The following GMDS variants were observed in gnomAD, a reference collection of about 807,000 sequenced individuals.
The protein encoded by GMDS is GDP-mannose 4,6-dehydratase.
A neutral mutation model predicts 49.9 loss-of-function variants in GMDS; 20 were observed. That is an observed-to-expected ratio of 0.40 (90% CI 0.28 to 0.58). The LOEUF (loss-of-function observed/expected upper bound fraction) is 0.58, where lower values mean the gene tolerates loss of function less well. GMDS is among the 20% of genes least tolerant of loss of function. The probability of loss-of-function intolerance (pLI) is 0.42; values close to 1 mark genes in which losing one functional copy is unlikely to be tolerated. For missense variants in GMDS, 362 were observed against 481.4 expected (o/e 0.75, Z 2.32); for synonymous variants, 177 against 178.6 (o/e 0.99, Z 0.07).
intron 7 of GMDS, among the ~76,000 whole-genome samples, chr6:1,795,663 T>TC (rs1769709842): frequency 6.6e-6 from 1 of 152,150 alleles, no homozygotes; most frequent in Non-Finnish European, 1.5e-5. Context: ...AAAGATTAGT[T>TC]CAAAACAGAA....
chr6:1,687,243 C>T (rs1581459288), intron 9 of GMDS, among the ~76,000 whole-genome samples: 1 of 152,198 alleles, frequency 6.6e-6, no homozygotes, highest in South Asian at 2.1e-4. Flanking sequence ...ACAGCAACAC[C>T]CCCAAGGCTT....
chr6:2,110,612 T>G (rs1198114882), intron 4 of GMDS, among the ~76,000 whole-genome samples: 1 of 152,116 alleles, frequency 6.6e-6, no homozygotes, highest in Non-Finnish European at 1.5e-5. Context: ...CCCCTGGGGC[T>G]TCCACAGTCA....
intron 6 of GMDS, among the ~76,000 whole-genome samples, chr6:1,950,939 T>C (rs1186612400): frequency 3.3e-5 from 5 of 152,098 alleles, no homozygotes; most frequent in African/African-American, 4.8e-5. Flanking sequence ...CCGTGCACTG[T>C]AGGATGTTCA....
chr6:2,086,434 C>G (rs888660371), intron 4 of GMDS, among the ~76,000 whole-genome samples: 4 of 152,298 alleles, frequency 2.6e-5, no homozygotes, highest in African/African-American at 7.2e-5. Flanking sequence ...GAGAGCTACT[C>G]TGTTAAAATC....
chr6:1,786,911 A>G (rs1330948175), intron 7 of GMDS, among the ~76,000 whole-genome samples: 1 of 152,122 alleles, frequency 6.6e-6, no homozygotes, highest in Non-Finnish European at 1.5e-5. Flanking sequence ...GAGTGAGCTG[A>G]CTGCAGGATT....
intron 7 of GMDS, among the ~76,000 whole-genome samples, chr6:1,885,707 A>G (rs1759568017): frequency 6.6e-6 from 1 of 152,186 alleles, no homozygotes; most frequent in Admixed American, 6.5e-5. Context: ...TGATGTTACC[A>G]TCTACTTGCT....
At chr6:2,239,265 G>A (rs1188828339) in intron 1 of GMDS, among the ~76,000 whole-genome samples, 1 of 149,690 alleles carries the variant, frequency 6.7e-6, no homozygotes, top group Non-Finnish European at 1.5e-5. Flanking sequence ...GGACACGGAT[G>A]TTGCAGTGAG....
At chr6:1,673,947 C>T (rs1319821498) in intron 9 of GMDS, among the ~76,000 whole-genome samples, 1 of 151,524 alleles carries the variant, frequency 6.6e-6, no homozygotes, top group African/African-American at 2.4e-5. Context: ...GGATGTCTTG[C>T]TTGCTTCCAG....
intron 1 of GMDS, among the ~76,000 whole-genome samples, chr6:2,137,482 C>T (rs574018074): frequency 7.8e-4 from 119 of 152,140 alleles, no homozygotes; most frequent in African/African-American, 2.8e-3. Context: ...TACAGGCATG[C>T]GTCACCATAC....
intron 7 of GMDS, among the ~76,000 whole-genome samples, chr6:1,927,196 C>G (rs112129810): frequency 5.3e-4 from 25 of 46,800 alleles, no homozygotes; most frequent in African/African-American, 1.6e-3. Context: ...CAGAGGGTAG[C>G]GTGTTGATGT....
intron 9 of GMDS, among the ~76,000 whole-genome samples, chr6:1,630,784 A>G (rs1762976965): frequency 6.6e-6 from 1 of 152,190 alleles, no homozygotes; most frequent in South Asian, 2.1e-4. Context: ...CGGTGCTTAC[A>G]GTAGCATCAG....
chr6:1,939,445 T>C (rs1437071501), intron 6 of GMDS, among the ~76,000 whole-genome samples: 1 of 152,012 alleles, frequency 6.6e-6, no homozygotes, highest in Non-Finnish European at 1.5e-5. Context: ...CCTTGACTGC[T>C]ATCTACTGAT....
intron 1 of GMDS, among the ~76,000 whole-genome samples, chr6:2,223,595 G>C (rs1780693554): frequency 6.6e-6 from 1 of 152,160 alleles, no homozygotes; most frequent in South Asian, 2.1e-4. Context: ...TATGCTAGTG[G>C]GGTAAAATCA....
chr6:2,065,869 T>C (rs1369958733), intron 4 of GMDS, among the ~76,000 whole-genome samples: 44 of 152,186 alleles, frequency 2.9e-4, no homozygotes, highest in Admixed American at 2.9e-3. Flanking sequence ...CCAGAAGAAC[T>C]TCCCCAATCT....
At chr6:1,959,770 AT>A (rs1763837036) in intron 6 of GMDS, 96 bp downstream of exon 6, 2 of 525,258 alleles carry the variant, frequency 3.8e-6, no homozygotes, top group African/African-American at 3.9e-5. Context: ...CAGATAGGAA[AT>A]TTTTCAGTCT....
intron 7 of GMDS, among the ~76,000 whole-genome samples, chr6:1,824,008 T>G (rs1378921964): frequency 3.3e-5 from 5 of 152,090 alleles, no homozygotes; most frequent in Non-Finnish European, 5.9e-5. Context: ...ACGGGCCTCC[T>G]CCTAAGAACA....
chr6:1,945,767 A>G (rs1008469610), intron 6 of GMDS, among the ~76,000 whole-genome samples: 1 of 152,188 alleles, frequency 6.6e-6, no homozygotes, highest in Non-Finnish European at 1.5e-5. Flanking sequence ...ACCACCAACA[A>G]AAATCCCCAA....
intron 7 of GMDS, among the ~76,000 whole-genome samples, chr6:1,812,492 A>T (rs936708571): frequency 6.6e-6 from 1 of 152,018 alleles, no homozygotes; most frequent in Non-Finnish European, 1.5e-5. Flanking sequence ...TGAGGGGAAA[A>T]AAAGAAGAAA....
At chr6:2,085,540 T>A (rs1239781821) in intron 4 of GMDS, among the ~76,000 whole-genome samples, 1 of 151,580 alleles carries the variant, frequency 6.6e-6, no homozygotes, top group Admixed American at 6.6e-5. Context: ...AATCTAACTA[T>A]TTTTTTTTAA....
Sources: allele counts gnomAD v4.1 joint callset (sites outside exome capture counted in the v4.1 genomes callset), GRCh38; gene constraint gnomAD v4.1.1; transcripts MANE v1.5; gene names NCBI Gene and HGNC (gene_info 2026-07-23, HGNC 2026-07-21).